The following GRID2 variants were observed in gnomAD, a reference collection of about 807,000 sequenced individuals.
GRID2 encodes glutamate receptor ionotropic, delta-2.
Under a neutral mutation model 114.8 loss-of-function variants are expected in GRID2, and 33 were observed. That is an observed-to-expected ratio of 0.29 (90% confidence interval 0.22 to 0.38). The LOEUF (loss-of-function observed/expected upper bound fraction) is 0.38, where lower values mean the gene tolerates loss of function less well. Among genes scored for constraint, GRID2 ranks in the 10% least tolerant of loss-of-function variants. The pLI is 1.00. For synonymous variants in GRID2, 505 were observed against 449.9 expected (o/e 1.12, Z -1.55); for missense variants, 1,184 against 1,257.7 (o/e 0.94, Z 0.89).
chr4:93,524,720 A>G (rs1398313790), intron 13 of GRID2, among the ~76,000 whole-genome samples: 4 of 149,150 alleles, frequency 2.7e-5, no homozygotes, highest in Non-Finnish European at 5.9e-5. Context: ...CAGACAAATC[A>G]TACTACAAAT....
intron 2 of GRID2, among the ~76,000 whole-genome samples, chr4:92,943,461 A>G (rs1751343139): frequency 1.3e-5 from 2 of 151,910 alleles, no homozygotes; most frequent in Admixed American, 6.6e-5. Flanking sequence ...TGCATTGGTT[A>G]TTTTATTTAG....
chr4:93,455,591 C>T (rs1340150284), intron 10 of GRID2, 71 bp from the exon 11 acceptor site: 53 of 1,017,412 alleles, frequency 5.2e-5, no homozygotes, highest in Non-Finnish European at 7.2e-5. Flanking sequence ...TTCCTCGAGG[C>T]AAGCTGAAGT....
intron 2 of GRID2, among the ~76,000 whole-genome samples, chr4:92,890,396 C>T (rs994386646): frequency 2.0e-4 from 30 of 151,918 alleles, no homozygotes; most frequent in Middle Eastern, 3.2e-3. Context: ...CCAGAATCTA[C>T]AAGGAACTTA....
chr4:93,766,707 C>T (rs1733706695), intron 14 of GRID2, among the ~76,000 whole-genome samples: 1 of 152,140 alleles, frequency 6.6e-6, no homozygotes, highest in East Asian at 1.9e-4. Context: ...TCAAAGATGA[C>T]TACATTTTTC....
chr4:92,510,515 G>C (rs1219174028), intron 1 of GRID2, among the ~76,000 whole-genome samples: 1 of 151,774 alleles, frequency 6.6e-6, no homozygotes, highest in Non-Finnish European at 1.5e-5. Flanking sequence ...TAGTCATCAA[G>C]GGTTTGATAG....
chr4:93,590,714 A>G (rs1249697022), intron 13 of GRID2, among the ~76,000 whole-genome samples: 3 of 152,090 alleles, frequency 2.0e-5, no homozygotes, highest in East Asian at 3.9e-4. Context: ...ATTTGTATGT[A>G]TCCTCTTTTA....
In GRID2 at chr4:92,984,719, G is replaced by A. The variant is rs192307429; in HGVS notation, c.245-100276G>A. Among the ~76,000 whole-genome samples the A allele has an allele frequency of 2.6e-5, 4 of 151,484 alleles. No individual in the cohort carries two copies. In the East Asian group the frequency reaches 7.8e-4, roughly 30 times the overall value. On this transcript the variant is annotated intron_variant, in intron 2 of 15. Transcript: ENST00000282020. Reference sequence around the variant, plus strand: ...GATGTCCTTTTCTGTTCTAGAATCTGACATTGCACATTGTGTTTGGTCTCT... The same window carrying A: ...GATGTCCTTTTCTGTTCTAGAATCTAACATTGCACATTGTGTTTGGTCTCT...
intron 14 of GRID2, among the ~76,000 whole-genome samples, chr4:93,752,517 C>G (rs748119091): frequency 6.6e-6 from 1 of 152,070 alleles, no homozygotes; most frequent in African/African-American, 2.4e-5. Context: ...ACTACAGGCA[C>G]CTGCCACCAC....
intron 2 of GRID2, among the ~76,000 whole-genome samples, chr4:92,929,277 T>C (rs745443810): frequency 6.6e-6 from 1 of 151,348 alleles, no homozygotes; most frequent in Non-Finnish European, 1.5e-5. Flanking sequence ...AAAAGACTGA[T>C]TTGAATGAAG....
intron 13 of GRID2, among the ~76,000 whole-genome samples, chr4:93,597,436 A>G (rs541850616): frequency 1.2e-4 from 19 of 152,320 alleles, no homozygotes; most frequent in African/African-American, 4.6e-4. Flanking sequence ...CAAGAGACTT[A>G]CCAGCTTCTC....
chr4:92,504,974 G>A (rs965978687), intron 1 of GRID2, among the ~76,000 whole-genome samples: 1 of 151,716 alleles, frequency 6.6e-6, no homozygotes, highest in African/African-American at 2.4e-5. Flanking sequence ...ATAATAATGG[G>A]TCCAAATATT....
At chr4:93,277,686 T>A (rs190576133) in intron 8 of GRID2, among the ~76,000 whole-genome samples, 171 of 152,106 alleles carry the variant, frequency 1.1e-3, no homozygotes, top group Middle Eastern at 0.01. Flanking sequence ...TTTCATTGCA[T>A]GTATTTAAGT....
chr4:93,578,691 T>G (rs2149590555), intron 13 of GRID2, among the ~76,000 whole-genome samples: 1 of 149,878 alleles, frequency 6.7e-6, no homozygotes, highest in Non-Finnish European at 1.5e-5. Flanking sequence ...CCTCCCAGGT[T>G]CACGCCATTC....
chr4:93,163,574 T>C (rs1737963009), intron 4 of GRID2, among the ~76,000 whole-genome samples: 1 of 150,234 alleles, frequency 6.7e-6, no homozygotes, highest in South Asian at 2.1e-4. Flanking sequence ...GTTTTTTTTT[T>C]TTAATAACAA....
intron 2 of GRID2, among the ~76,000 whole-genome samples, chr4:92,940,566 C>T (rs1165198438): frequency 6.6e-6 from 1 of 152,020 alleles, no homozygotes; most frequent in Non-Finnish European, 1.5e-5. Flanking sequence ...TATTTCCTTC[C>T]CCTGCCTAAT....
At chr4:92,411,625 ATGTGTGTGTGTG>A (rs751440294) in intron 1 of GRID2, among the ~76,000 whole-genome samples, 2 of 105,710 alleles carry the variant, frequency 1.9e-5, no homozygotes, top group Non-Finnish European at 3.8e-5. Context: ...ATATATATGC[ATGTGTGTGTGTG>A]TGTGTGTGTG....
At chr4:93,767,187 C>T (rs1283738841) in intron 14 of GRID2, among the ~76,000 whole-genome samples, 1 of 152,076 alleles carries the variant, frequency 6.6e-6, no homozygotes, top group Non-Finnish European at 1.5e-5. Context: ...AAAATCATGC[C>T]GTTTTCTTTT....
In GRID2 at chr4:92,621,571, G is replaced by C. The variant is rs1339774280; in HGVS notation, c.244+31285G>C. Among the ~76,000 whole-genome samples the C allele has an allele frequency of 2.0e-5, 3 of 151,754 alleles. No individual in the cohort carries two copies. The East Asian group carries it at 5.9e-4, about 30-fold the overall frequency. ...CCAGCTATAGGAAGCTGAGGTGGGA[G>C]GATTGTATGACCCCAAGAGTTCAAG... is the stretch of plus-strand genomic sequence containing the variant. On this transcript the variant is annotated intron_variant, in intron 2 of 15. Coordinates refer to ENST00000282020, the MANE Select transcript of GRID2 (RefSeq NM_001510.4).
chr4:93,571,027 C>T lies in GRID2; in HGVS notation c.2194-55242C>T, dbSNP rs1221187230. ...ACAGCTATTTATAAAACATAGAGAG[C>T]GAGCAAGAGGGTGAGAGAGAATATT... is the stretch of plus-strand genomic sequence containing the variant. On this transcript the variant is annotated intron_variant, in intron 13 of 15. Transcript: ENST00000282020. 7.2e-5 allele frequency among the ~76,000 whole-genome samples: 11 copies of T among 152,154 alleles called. No individual in the cohort carries two copies. In the East Asian group the frequency reaches 1.4e-3, roughly 19 times the overall value.
Sources: gnomAD v4.1 joint callset for allele counts (sites outside exome capture counted in the v4.1 genomes callset) on GRCh38, gnomAD v4.1.1 for gene constraint, MANE v1.5 for transcripts, NCBI Gene and HGNC (gene_info 2026-07-23, HGNC 2026-07-21) for gene names.